Variants in RSU1 observed in about 807,000 individuals in gnomAD.
RSU1 encodes rsu-1.
A neutral mutation model predicts 31.1 loss-of-function variants in RSU1; 26 were observed. That is an observed-to-expected ratio of 0.84 (90% CI 0.61 to 1.16). RSU1 has a LOEUF of 1.16. Among genes scored for constraint, RSU1 ranks in the 50% most tolerant of loss-of-function variants. RSU1 has a pLI of 0.00. For synonymous variants in RSU1, 164 were observed against 136.3 expected, an observed-to-expected ratio of 1.20 and a Z score of -1.41; for missense variants, 320 against 339.1, an observed-to-expected ratio of 0.94 and a Z score of 0.44.
intron 8 of RSU1, among the ~76,000 whole-genome samples, chr10:16,644,897 T>C (rs1184591869): frequency 1.3e-5 from 2 of 152,142 alleles, no homozygotes; most frequent in Non-Finnish European, 2.9e-5. Flanking sequence ...CAATCACCTA[T>C]TTTTTCATGA....
chr10:16,641,404 C>G (rs1301243305), intron 8 of RSU1, among the ~76,000 whole-genome samples: 1 of 151,456 alleles, frequency 6.6e-6, no homozygotes, highest in Non-Finnish European at 1.5e-5. Context: ...AGGCAGAAGA[C>G]TCGTATGAAC....
chr10:16,713,541 G>T (rs115667628), intron 7 of RSU1, among the ~76,000 whole-genome samples: 1,856 of 152,056 alleles, frequency 0.012, 32 homozygotes, highest in African/African-American at 0.042. Context: ...TTTCTGTTTG[G>T]TTCTTTATGA....
chr10:16,599,578 A>C (rs1043911810), intron 8 of RSU1, among the ~76,000 whole-genome samples: 7 of 152,282 alleles, frequency 4.6e-5, no homozygotes, highest in African/African-American at 1.7e-4. Context: ...CACCTCCCAC[A>C]GTCTGATGTC....
intron 3 of RSU1, among the ~76,000 whole-genome samples, chr10:16,771,671 T>C (rs1334500107): frequency 6.6e-6 from 1 of 152,122 alleles, no homozygotes; most frequent in African/African-American, 2.4e-5. Flanking sequence ...AAACACAAGG[T>C]GGACAATAAT....
chr10:16,797,996 G>T (rs1360601506), intron 2 of RSU1, among the ~76,000 whole-genome samples: 1 of 151,472 alleles, frequency 6.6e-6, no homozygotes, highest in Non-Finnish European at 1.5e-5. Context: ...AGAGTAGCTG[G>T]GATTATAGGT....
chr10:16,636,025 T>G (rs1834338927), intron 8 of RSU1, among the ~76,000 whole-genome samples: 1 of 152,240 alleles, frequency 6.6e-6, no homozygotes, highest in Non-Finnish European at 1.5e-5. Flanking sequence ...CTCAGTTTCC[T>G]GTGCTAGTCT....
At chr10:16,780,898 G>A (rs1252988491) in intron 3 of RSU1, among the ~76,000 whole-genome samples, 2 of 152,176 alleles carry the variant, frequency 1.3e-5, no homozygotes, top group Non-Finnish European at 2.9e-5. Flanking sequence ...CAACTGTGCC[G>A]TCACTCTGCC....
In RSU1 at chr10:16,591,404, A is replaced by C. The variant is rs1028881829; in HGVS notation, c.*1990T>G. 18 of 152,180 alleles carry C rather than the reference A, an allele frequency of 1.2e-4. No homozygotes were observed. Among genetic ancestry groups the C allele is most frequent in the Non-Finnish European group, 1.5e-5 (1 of 68,040 alleles). The allele number at this position is 152,180 out of a possible 1,614,324, so 9.4% of individuals were successfully genotyped here. ...CCTCAGGATACATTCCTAGAAATAAAAATTCTGGGCCCCAGTACACAATCT... is the reference window on the plus strand; with the variant it reads ...CCTCAGGATACATTCCTAGAAATAACAATTCTGGGCCCCAGTACACAATCT... On this transcript the variant is annotated 3_prime_UTR_variant, in exon 9 of 9. Coordinates refer to ENST00000345264, the MANE Select transcript of RSU1 (RefSeq NM_012425.4).
intron 4 of RSU1, among the ~76,000 whole-genome samples, chr10:16,758,427 C>T (rs79489444): frequency 6.6e-6 from 1 of 152,152 alleles, no homozygotes; most frequent in Admixed American, 6.5e-5. Context: ...GGGCCCCGCT[C>T]TGACACTGCT....
Position 16,817,353 on chromosome 10 carries a change from C to G in RSU1, c.-42G>C, listed in dbSNP as rs577238536. The G allele has an allele frequency of 1.7e-4, 70 of 422,376 alleles. 1 individual carries two copies. Among genetic ancestry groups the G allele is most frequent in the Non-Finnish European group, 1.7e-4 (39 of 230,172 alleles). The allele number at this position is 422,376 out of a possible 1,614,324, so 26.2% of individuals were successfully genotyped here. A position where few individuals can be genotyped will look rare whatever the true frequency, so the allele number is the denominator to read the frequency against. On this transcript the variant is annotated 5_prime_UTR_variant, in exon 1 of 9. Coordinates refer to ENST00000345264, the MANE Select transcript of RSU1 (RefSeq NM_012425.4). ...CCCTAAGACGATGGGCGTGCAACCA[C>G]AAGCTTCGGCAGAACGCACTCCAGC...
intron 8 of RSU1, among the ~76,000 whole-genome samples, chr10:16,669,542 C>T (rs891810360): frequency 6.6e-6 from 1 of 152,194 alleles, no homozygotes; most frequent in Non-Finnish European, 1.5e-5. Context: ...CTCTTCCTAA[C>T]AGTGACACTC....
chr10:16,708,506 G>A (rs1457115209), intron 7 of RSU1, among the ~76,000 whole-genome samples: 1 of 152,084 alleles, frequency 6.6e-6, no homozygotes, highest in Admixed American at 6.6e-5. Flanking sequence ...TTTTGAACTT[G>A]GTTGGTGTGA....
At chr10:16,792,900 A>G (rs964919123) in intron 2 of RSU1, among the ~76,000 whole-genome samples, 12 of 152,222 alleles carry the variant, frequency 7.9e-5, no homozygotes, top group African/African-American at 2.9e-4. Flanking sequence ...CCGGGCAGCA[A>G]TGCTGACCAA....
At chr10:16,720,384 A>G (rs528152130) in intron 7 of RSU1, among the ~76,000 whole-genome samples, 1 of 152,372 alleles carries the variant, frequency 6.6e-6, no homozygotes, top group African/African-American at 2.4e-5. Context: ...AATAGAAATT[A>G]AATGTCCAAC....
chr10:16,594,250 G>A (rs916678981), intron 8 of RSU1, among the ~76,000 whole-genome samples: 5 of 152,274 alleles, frequency 3.3e-5, no homozygotes, highest in Non-Finnish European at 7.3e-5. Context: ...TCTGCAGCAA[G>A]GGCATACCCG....
rs557020548 is a variant in RSU1 at position 16,645,547 on chromosome 10, G to A, written c.731+49476C>T. ...AATGTGGCTGGGTGCGGTGGCTCAC[G>A]CTGTAATCCCAGCACTTTGGGAAGC... On this transcript the variant is annotated intron_variant, in intron 8 of 8. Transcript: ENST00000345264. 1.1e-4 allele frequency among the ~76,000 whole-genome samples: 16 copies of A among 151,976 alleles called. No homozygotes were observed. In the South Asian group the frequency reaches 3.1e-3, roughly 30 times the overall value.
At chr10:16,713,479 T>G (rs74125841) in intron 7 of RSU1, among the ~76,000 whole-genome samples, 2,989 of 152,332 alleles carry the variant, frequency 0.02, 84 homozygotes, top group African/African-American at 0.063. Context: ...AGTCTGTTGT[T>G]GAAGCTTTCA....
chr10:16,802,399 C>T (rs1838176213), intron 2 of RSU1, among the ~76,000 whole-genome samples: 1 of 151,930 alleles, frequency 6.6e-6, no homozygotes, highest in Non-Finnish European at 1.5e-5. Flanking sequence ...TTTGAGTGGG[C>T]CTACGTCTAT....
At chr10:16,817,265 G>C in intron 1 of RSU1, 50 bp downstream of exon 1, 1 of 589,256 alleles carries the variant, frequency 1.7e-6, no homozygotes, top group East Asian at 2.8e-5. Context: ...CAGCCCCGCT[G>C]CGGCCACGCA....
Sources: gnomAD v4.1 joint callset for allele counts (sites outside exome capture counted in the v4.1 genomes callset) on GRCh38, gnomAD v4.1.1 for gene constraint, MANE v1.5 for transcripts, NCBI Gene and HGNC (gene_info 2026-07-23, HGNC 2026-07-21) for gene names.